TMEM201: variants seen among roughly 807,000 people sequenced by gnomAD.
TMEM201 encodes the protein RP13-15M17.2.
A neutral mutation model predicts 63.4 loss-of-function variants in TMEM201; 26 were observed. That is an observed-to-expected ratio of 0.41 (90% CI 0.30 to 0.57). TMEM201 has a LOEUF of 0.57. Ranked by LOEUF, TMEM201 falls within the 20% of genes least tolerant of loss-of-function variation. TMEM201 has a pLI of 0.29. For missense variants in TMEM201, 794 were observed against 917.7 expected, an observed-to-expected ratio of 0.87 and a Z score of 1.74; for synonymous variants, 417 against 421.6, an observed-to-expected ratio of 0.99 and a Z score of 0.14.
Position 9,604,170 on chromosome 1 carries a change from G to A in TMEM201, c.1160+1898G>A, listed in dbSNP as rs932717495. ...TTCGGTTCTCGAGGAAGTGTTGACA[G>A]TGTGATGCTAATGTCTGCTTTTCTT... On this transcript the variant is annotated intron_variant, in intron 6 of 10. Coordinates refer to ENST00000340381, the MANE Select transcript of TMEM201 (RefSeq NM_001130924.3). The surrounding 1 kb of genome is among the most constrained non-coding windows in gnomAD (Gnocchi z 4.1). 17 of 985,356 alleles carry A rather than the reference G, an allele frequency of 1.7e-5. No individual in the cohort carries two copies. The highest frequency in any genetic ancestry group is 6.1e-5 in the Admixed American group (1 of 16,272). The allele number at this position is 985,356 out of a possible 1,614,324, so 61.0% of individuals were successfully genotyped here. A position where few individuals can be genotyped will look rare whatever the true frequency, so the allele number is the denominator to read the frequency against.
intron 1 of TMEM201, among the ~76,000 whole-genome samples, chr1:9,591,277 C>T (rs1415471383): frequency 6.6e-6 from 1 of 152,240 alleles, no homozygotes; most frequent in Non-Finnish European, 1.5e-5. Flanking sequence ...GATGAGGAAA[C>T]CAAAGCTTGG....
Position 9,603,838 on chromosome 1 carries a change from G to T in TMEM201, c.1160+1566G>T. On this transcript the variant is annotated intron_variant, in intron 6 of 10. Transcript: ENST00000340381. This position sits in a 1 kb window ranked among gnomAD's most constrained non-coding sequence, Gnocchi z 4.5. ...GTGGCCTCTGTGCCCGATGACCTGC[G>T]TGGCTTCAGACAAGGCCCCAGCGTT... The T allele has an allele frequency of 1.0e-6, 1 of 985,450 alleles. No homozygotes were observed. The highest frequency in any genetic ancestry group is 1.2e-6 in the Non-Finnish European group (1 of 829,944). 61.0% of individuals were successfully genotyped at this position (985,450 alleles called of 1,614,324 possible).
chr1:9,612,068 C>T (rs1023036140), intron 10 of TMEM201, among the ~76,000 whole-genome samples, 178 bp downstream of exon 10: 10 of 152,224 alleles, frequency 6.6e-5, no homozygotes, highest in Admixed American at 1.3e-4. Context: ...CAGTAGACGG[C>T]ACTCCCCCTC....
rs1363234769 is a variant in TMEM201 at position 9,598,445 on chromosome 1, A to G, written c.430-4A>G. 6.2e-7 allele frequency: 1 copy of G among 1,610,002 alleles called. No individual in the cohort carries two copies. Among genetic ancestry groups the G allele is most frequent in the East Asian group, 2.2e-5 (1 of 44,756 alleles). ...ATGCCGAGCCTGTTCCCCCAACCCCACAGGGCAGGTATGACGAGGAGGTCG... is the reference window on the plus strand; with the variant it reads ...ATGCCGAGCCTGTTCCCCCAACCCCGCAGGGCAGGTATGACGAGGAGGTCG... On this transcript the variant is annotated splice_region_variant and splice_polypyrimidine_tract_variant and intron_variant, in intron 3 of 10. Transcript: ENST00000340381.
At position 9,604,465 on chromosome 1, in the gene TMEM201, G is replaced by A. The variant is rs986052944; in HGVS notation, c.1160+2193G>A. On this transcript the variant is annotated intron_variant, in intron 6 of 10. Transcript: ENST00000340381. This position sits in a 1 kb window ranked among gnomAD's most constrained non-coding sequence, Gnocchi z 4.1. ...CGTGGAGAAAATTCCAGCACCAAGT[G>A]TTGTGGCAACAGCTGAGAGAGTGCA... 15 of 985,342 alleles carry A rather than the reference G, an allele frequency of 1.5e-5. No homozygotes were observed. The highest frequency in any genetic ancestry group is 1.8e-5 in the Non-Finnish European group (15 of 829,938). 61.0% of individuals were successfully genotyped at this position (985,342 alleles called of 1,614,324 possible). A position where few individuals can be genotyped will look rare whatever the true frequency, so the allele number is the denominator to read the frequency against.
In TMEM201 at chr1:9,612,946, C is replaced by A. The variant is rs193067720; in HGVS notation, c.1904-40C>A. On this transcript the variant is annotated intron_variant, in intron 10 of 10. Coordinates refer to ENST00000340381, the MANE Select transcript of TMEM201 (RefSeq NM_001130924.3). ...GCTGCTCAGCTGCACAGCGAACCCA[C>A]CCACCCAAACAATGTTCTGACCAGG... 500 of 1,537,610 alleles carry A rather than the reference C, an allele frequency of 3.3e-4. 3 individuals carry two copies. The highest frequency in any genetic ancestry group is 2.7e-3 in the East Asian group (111 of 40,830).
At chr1:9,601,657 A>G (rs1557555799) in intron 5 of TMEM201, among the ~76,000 whole-genome samples, 1 of 152,036 alleles carries the variant, frequency 6.6e-6, no homozygotes, top group Non-Finnish European at 1.5e-5. Context: ...CCCCGTGCAC[A>G]CCCGCTGTGG....
In TMEM201 at chr1:9,605,214, G is replaced by A. The variant is rs982156909; in HGVS notation, c.1161-2343G>A. On this transcript the variant is annotated intron_variant, in intron 6 of 10. Coordinates refer to ENST00000340381, the MANE Select transcript of TMEM201 (RefSeq NM_001130924.3). The surrounding 1 kb of genome is among the most constrained non-coding windows in gnomAD (Gnocchi z 5.7). ...TCCTGATGTGGGCTGGGATTGGGTC[G>A]GAGAAGACCAGACATCTCCCCTTGG... 1.3e-5 allele frequency among the ~76,000 whole-genome samples: 2 copies of A among 152,170 alleles called. No homozygotes were observed. Among genetic ancestry groups the A allele is most frequent in the Admixed American group, 1.3e-4 (2 of 15,282 alleles).
rs1644184923 is a variant in TMEM201 at position 9,603,456 on chromosome 1, C to T, written c.1160+1184C>T. ...AGTCGAGAGTGGCCCGAGGCCGTCCCTCACCGGGCATGTTCCCTCTGGCTG... is the reference window on the plus strand; with the variant it reads ...AGTCGAGAGTGGCCCGAGGCCGTCCTTCACCGGGCATGTTCCCTCTGGCTG... On this transcript the variant is annotated intron_variant, in intron 6 of 10. Coordinates refer to ENST00000340381, the MANE Select transcript of TMEM201 (RefSeq NM_001130924.3). The surrounding 1 kb of genome is among the most constrained non-coding windows in gnomAD (Gnocchi z 4.5). The T allele has an allele frequency of 1.0e-6, 1 of 985,336 alleles. No homozygotes were observed. Among genetic ancestry groups the T allele is most frequent in the African/African-American group, 1.7e-5 (1 of 57,236 alleles). 61.0% of individuals were successfully genotyped at this position (985,336 alleles called of 1,614,324 possible). A position where few individuals can be genotyped will look rare whatever the true frequency, so the allele number is the denominator to read the frequency against.
chr1:9,607,426 C>G lies in TMEM201; in HGVS notation c.1161-131C>G. The G allele has an allele frequency of 3.0e-6, 2 of 671,050 alleles. No homozygotes were observed. The highest frequency in any genetic ancestry group is 5.0e-6 in the Non-Finnish European group (2 of 402,436). The allele number at this position is 671,050 out of a possible 1,614,324, so 41.6% of individuals were successfully genotyped here. On this transcript the variant is annotated intron_variant, in intron 6 of 10. Transcript: ENST00000340381. The surrounding 1 kb of genome is among the most constrained non-coding windows in gnomAD (Gnocchi z 5.4). Reference sequence around the variant, plus strand: ...GATTGCTTTTCTGCTTTAACTAACGCACGCCTCCTCTGGGACCCCAGCTGA... The same window carrying G: ...GATTGCTTTTCTGCTTTAACTAACGGACGCCTCCTCTGGGACCCCAGCTGA...
chr1:9,601,302 C>T lies in TMEM201; in HGVS notation c.804C>T (p.Ala268=), dbSNP rs150424997. ...ATPDNGTTPG[A]EGWRQLLGLL... ...CTGACAATGGCACCACCCCTGGGGC[C>T]GAGGGCTGGCGGCAGTTGCTGGGCC... The change falls in exon 5 of 11, where the codon GCC becomes GCT. Residue 268 remains alanine (A), a synonymous_variant. Transcript: ENST00000340381. 742 of 1,609,818 alleles carry T rather than the reference C, an allele frequency of 4.6e-4. No homozygotes were observed. Among genetic ancestry groups the T allele is most frequent in the Non-Finnish European group, 6.0e-4 (713 of 1,179,866 alleles).
At chr1:9,590,733 C>T (rs1643906326) in intron 1 of TMEM201, among the ~76,000 whole-genome samples, 1 of 152,176 alleles carries the variant, frequency 6.6e-6, no homozygotes, top group Non-Finnish European at 1.5e-5. Flanking sequence ...GAAGGGCCAG[C>T]CTTTCCCAGG....
In TMEM201 at chr1:9,597,088, G is replaced by A. The variant is rs973690205; in HGVS notation, c.429+35G>A. 6 of 1,579,106 alleles carry A rather than the reference G, an allele frequency of 3.8e-6. No individual in the cohort carries two copies. In the African/African-American group the frequency reaches 4.0e-5, roughly 11 times the overall value. ...GGTTGGGAGGGCAGGGGTCCTGGCT[G>A]GGGCCAGGGATGCTTAGAGCAGCCG... On this transcript the variant is annotated intron_variant, in intron 3 of 10. Coordinates refer to ENST00000340381, the MANE Select transcript of TMEM201 (RefSeq NM_001130924.3).
chr1:9,610,873 G>T lies in TMEM201; in HGVS notation c.1765+68G>T. On this transcript the variant is annotated intron_variant, in intron 9 of 10. Coordinates refer to ENST00000340381, the MANE Select transcript of TMEM201 (RefSeq NM_001130924.3). The surrounding 1 kb of genome is among the most constrained non-coding windows in gnomAD (Gnocchi z 4.9). The stretch of plus-strand genomic sequence containing the variant: ...TGCTGCCAAGAGGCCTGGCTGTGCG[G>T]CGGTGGGGGGGCTCATCCTTGCTCT... 6.7e-7 allele frequency: 1 copy of T among 1,492,122 alleles called. No individual in the cohort carries two copies. Among genetic ancestry groups the T allele is most frequent in the Non-Finnish European group, 9.0e-7 (1 of 1,117,100 alleles). The allele number at this position is 1,492,122 out of a possible 1,614,324, so 92.4% of individuals were successfully genotyped here. A position where few individuals can be genotyped will look rare whatever the true frequency, so the allele number is the denominator to read the frequency against.
At chr1:9,597,953 TGTCTTCTGGG>T (rs1176329388) in intron 3 of TMEM201, among the ~76,000 whole-genome samples, 5 of 152,218 alleles carry the variant, frequency 3.3e-5, no homozygotes, top group Non-Finnish European at 7.3e-5. Flanking sequence ...GGAGGGGACT[TGTCTTCTGGG>T]CTATTTCAGA....
intron 6 of TMEM201, 86 bp downstream of exon 6, chr1:9,602,358 G>A (rs774768583): frequency 3.2e-5 from 49 of 1,540,836 alleles, no homozygotes; most frequent in Non-Finnish European, 4.2e-5. Flanking sequence ...GCCCCTCTCT[G>A]TCCTGCCTCT....
rs1164724887 is a variant in TMEM201 at position 9,596,726 on chromosome 1, G to T, written c.235-133G>T. 4.3e-6 allele frequency: 4 copies of T among 936,628 alleles called. No individual in the cohort carries two copies. In the African/African-American group the frequency reaches 6.7e-5, roughly 16 times the overall value. The allele number at this position is 936,628 out of a possible 1,614,324, so 58.0% of individuals were successfully genotyped here. ...AGAAAAGCAGCTGCTGTTGTGTGCA[G>T]AAGAAAAAAAAGAATGGAGATGTTT... On this transcript the variant is annotated intron_variant, in intron 2 of 10. Coordinates refer to ENST00000340381, the MANE Select transcript of TMEM201 (RefSeq NM_001130924.3).
Position 9,611,657 on chromosome 1 carries a change from C to G in TMEM201, c.1766-96C>G, listed in dbSNP as rs114261220. ...CTTGGGACAGCCTGGCTCACCACTT[C>G]TGACAACTGTCCTTAGAGTGGAAGT... On this transcript the variant is annotated intron_variant, in intron 9 of 10. Coordinates refer to ENST00000340381, the MANE Select transcript of TMEM201 (RefSeq NM_001130924.3). 9,769 of 1,508,610 alleles carry G rather than the reference C, an allele frequency of 6.5e-3. 464 individuals carry two copies. The Admixed American group carries it at 0.11, about 17-fold the overall frequency. The allele number at this position is 1,508,610 out of a possible 1,614,324, so 93.5% of individuals were successfully genotyped here. A position where few individuals can be genotyped will look rare whatever the true frequency, so the allele number is the denominator to read the frequency against.
Position 9,611,725 on chromosome 1 carries a change from A to G in TMEM201, c.1766-28A>G, listed in dbSNP as rs762172267. ...GTCCCTGGAGGGAGCCATGAGCGCC[A>G]CTGAGAAACACACCCTTCTCTCTGC... On this transcript the variant is annotated intron_variant, in intron 9 of 10. Transcript: ENST00000340381. 18 of 1,551,120 alleles carry G rather than the reference A, an allele frequency of 1.2e-5. No homozygotes were observed. In the South Asian group the frequency reaches 2.0e-4, roughly 17 times the overall value.
Sources: gnomAD v4.1 joint callset for allele counts (sites outside exome capture counted in the v4.1 genomes callset) on GRCh38, gnomAD v4.1.1 for gene constraint, Gnocchi (gnomAD v3.1) non-coding constraint, MANE v1.5 for transcripts, NCBI Gene and HGNC (gene_info 2026-07-23, HGNC 2026-07-21) for gene names.